The following SHANK2 variants were observed in gnomAD, a reference collection of about 807,000 sequenced individuals.
SHANK2 encodes SH3 and multiple ankyrin repeat domains 2.
Under a neutral mutation model 133.7 loss-of-function variants are expected in SHANK2, and 43 were observed. That is an observed-to-expected ratio of 0.32 (90% confidence interval 0.25 to 0.41). The LOEUF is 0.41. Among genes scored for constraint, SHANK2 ranks in the 10% least tolerant of loss-of-function variants. The pLI is 1.00. For synonymous variants in SHANK2, 1,017 were observed against 952.8 expected (o/e 1.07, Z -1.24); for missense variants, 1,994 against 2,235.8 (o/e 0.89, Z 2.18).
At chr11:70,708,288 G>A (rs1252396638) in intron 14 of SHANK2, among the ~76,000 whole-genome samples, 4 of 152,000 alleles carry the variant, frequency 2.6e-5, no homozygotes, top group East Asian at 1.9e-4. Context: ...CATTTCTCCC[G>A]ATGGACTGCC....
intron 11 of SHANK2, among the ~76,000 whole-genome samples, chr11:70,860,137 A>C (rs1185512251): frequency 6.6e-6 from 1 of 152,138 alleles, no homozygotes; most frequent in South Asian, 2.1e-4. Context: ...TTCTCTCAGA[A>C]GCCTCTTTGC....
At chr11:70,629,067 C>T (rs1001152095) in intron 17 of SHANK2, among the ~76,000 whole-genome samples, 9 of 152,186 alleles carry the variant, frequency 5.9e-5, no homozygotes, top group East Asian at 1.9e-4. Flanking sequence ...CAGGCATGTG[C>T]GCGCCACAGC....
chr11:70,753,388 T>C (rs1555037910), intron 14 of SHANK2, among the ~76,000 whole-genome samples: 3 of 152,116 alleles, frequency 2.0e-5, no homozygotes, highest in African/African-American at 4.8e-5. Context: ...TTCTTTTCAA[T>C]GTCCACAGAA....
intron 4 of SHANK2, among the ~76,000 whole-genome samples, chr11:71,116,683 A>G (rs1555100437): frequency 6.6e-6 from 1 of 152,142 alleles, no homozygotes. Flanking sequence ...TCCCCTCCAA[A>G]CCTCATGTTC....
intron 2 of SHANK2, among the ~76,000 whole-genome samples, chr11:71,204,126 A>G (rs1954079621): frequency 6.6e-6 from 1 of 152,124 alleles, no homozygotes; most frequent in African/African-American, 2.4e-5. Context: ...AGCCCTGAAC[A>G]CAGCTGTCCT....
intron 2 of SHANK2, among the ~76,000 whole-genome samples, chr11:71,153,275 C>T (rs1555108459): frequency 1.4e-5 from 2 of 142,466 alleles, no homozygotes; most frequent in African/African-American, 5.3e-5. Flanking sequence ...TTCTGTGTAA[C>T]TAATCTCTCG....
At position 71,070,470 on chromosome 11, in the gene SHANK2, C is replaced by A. The variant is rs1951128472; in HGVS notation, c.1029+4689G>T. Among the ~76,000 whole-genome samples the A allele has an allele frequency of 2.6e-5, 4 of 152,290 alleles. No individual in the cohort carries two copies. In the East Asian group the frequency reaches 7.7e-4, roughly 29 times the overall value. On this transcript the variant is annotated intron_variant, in intron 9 of 25. Coordinates refer to ENST00000601538, the MANE Select transcript of SHANK2 (RefSeq NM_012309.5). ...ATTTCTACCCAGACAGAAGAGGGGG[C>A]ACACAGGCAGGAGTTGGAACAGCTG...
Position 70,486,865 on chromosome 11 carries a change from G to T in SHANK2, c.3428C>A (p.Ser1143Tyr). ...ADEDSAEQLS[S>Y]PMPSATPREP... ...CCTGGGCGTGGCACTCGGCATGGGG[G>T]ATGACAGCTGCTCAGCGCTGTCCTC... Residue 1143 changes from serine (S) to tyrosine (Y), a missense_variant, in exon 25 of 26, where the codon TCC becomes TAC. Physicochemically the swap from Ser to Tyr is moderately radical, Grantham distance 144. Around this residue, in one of 5 missense-constraint regions of SHANK2, gnomAD observed 797 missense variants for 907.4 expected, o/e 0.88. Transcript: ENST00000601538. This position sits in a 1 kb window ranked among gnomAD's most constrained non-coding sequence, Gnocchi z 8.0. 1 of 1,612,738 alleles carries T rather than the reference G, an allele frequency of 6.2e-7. No individual in the cohort carries two copies. The highest frequency in any genetic ancestry group is 1.7e-5 in the Admixed American group (1 of 60,032).
chr11:71,199,622 G>T (rs1953979158), intron 2 of SHANK2, among the ~76,000 whole-genome samples: 1 of 152,254 alleles, frequency 6.6e-6, no homozygotes, highest in Non-Finnish European at 1.5e-5. Context: ...AAGGGAGCAT[G>T]CAGGGAAGAT....
At chr11:70,872,083 C>T (rs1481076031) in intron 11 of SHANK2, among the ~76,000 whole-genome samples, 1 of 152,178 alleles carries the variant, frequency 6.6e-6, no homozygotes, top group South Asian at 2.1e-4. Flanking sequence ...TGGCCTGTTA[C>T]GTCACACCGC....
At chr11:70,905,210 G>A (rs1950082189) in intron 10 of SHANK2, among the ~76,000 whole-genome samples, 1 of 152,156 alleles carries the variant, frequency 6.6e-6, no homozygotes, top group Non-Finnish European at 1.5e-5. Context: ...CCTCGCCACA[G>A]TTCTCTGAGG....
intron 17 of SHANK2, among the ~76,000 whole-genome samples, chr11:70,550,494 C>T (rs1338688771): frequency 6.6e-6 from 1 of 152,206 alleles, no homozygotes; most frequent in Non-Finnish European, 1.5e-5. Context: ...TCTTTCTATT[C>T]AAGACTAAAG....
In SHANK2 at chr11:71,175,238, CAATA is replaced by C. The variant is rs1394194833; in HGVS notation, c.-12-27904_-12-27901del. Among the ~76,000 whole-genome samples, 1 of 152,152 alleles carries C rather than the reference CAATA, an allele frequency of 6.6e-6. No individual in the cohort carries two copies. The highest frequency in any genetic ancestry group is 2.4e-5 in the African/African-American group (1 of 41,442). On this transcript the variant is annotated intron_variant, in intron 2 of 25. Coordinates refer to ENST00000601538, the MANE Select transcript of SHANK2 (RefSeq NM_012309.5). The surrounding 1 kb of genome is among the most constrained non-coding windows in gnomAD (Gnocchi z 4.2). ...CCAACTCAGCACAAGTACGAAGAAC[CAATA>C]AATGAGCAGTGGCAGGTTCCTGGAT... is the stretch of plus-strand genomic sequence containing the variant.
At chr11:70,610,938 ATATGGAAC>A (rs1274309077) in intron 17 of SHANK2, among the ~76,000 whole-genome samples, 1 of 152,234 alleles carries the variant, frequency 6.6e-6, no homozygotes, top group Non-Finnish European at 1.5e-5. Flanking sequence ...CACTGCTTCC[ATATGGAAC>A]TATGGGGCAC....
intron 11 of SHANK2, among the ~76,000 whole-genome samples, chr11:70,823,313 C>T (rs1274546878): frequency 1.3e-4 from 17 of 126,642 alleles, no homozygotes; most frequent in African/African-American, 5.0e-4. Flanking sequence ...ACAGAGGTGG[C>T]GGTGGCAGAG....
At chr11:70,858,156 C>T (rs1370525671) in intron 11 of SHANK2, among the ~76,000 whole-genome samples, 3 of 152,200 alleles carry the variant, frequency 2.0e-5, no homozygotes, top group Non-Finnish European at 2.9e-5. Context: ...AAGAAGGAGC[C>T]GAGTGCTGCT....
At chr11:70,544,309 A>G (rs1554975779) in intron 17 of SHANK2, among the ~76,000 whole-genome samples, 2 of 152,204 alleles carry the variant, frequency 1.3e-5, no homozygotes, top group African/African-American at 4.8e-5. Flanking sequence ...GCTACGGGGA[A>G]CATAGCTGTT....
intron 17 of SHANK2, among the ~76,000 whole-genome samples, chr11:70,531,274 G>A (rs567522313): frequency 5.3e-5 from 8 of 152,074 alleles, no homozygotes; most frequent in Non-Finnish European, 7.4e-5. Flanking sequence ...AGGCCCAGGC[G>A]CCTCACCTGC....
chr11:70,919,147 A>G (rs1950312188), intron 10 of SHANK2, among the ~76,000 whole-genome samples: 1 of 152,140 alleles, frequency 6.6e-6, no homozygotes, highest in East Asian at 1.9e-4. Flanking sequence ...CCAGGCAACA[A>G]CAGAGCAAGA....
Sources: gnomAD v4.1 joint callset for allele counts (sites outside exome capture counted in the v4.1 genomes callset) on GRCh38, gnomAD v4.1.1 for gene constraint, gnomAD v4.1.1 regional missense constraint, Gnocchi (gnomAD v3.1) non-coding constraint, MANE v1.5 for transcripts, NCBI Gene and HGNC (gene_info 2026-07-23, HGNC 2026-07-21) for gene names.